IL1RAP: variants seen among roughly 807,000 people sequenced by gnomAD.
The protein encoded by IL1RAP is interleukin-1 receptor accessory protein.
Under a neutral mutation model 60.7 loss-of-function variants are expected in IL1RAP, and 35 were observed. That is an observed-to-expected ratio of 0.58 (90% CI 0.44 to 0.76). The LOEUF (loss-of-function observed/expected upper bound fraction) is 0.76. IL1RAP is among the 30% of genes least tolerant of loss of function. IL1RAP has a pLI of 0.00. For synonymous variants in IL1RAP, 268 were observed against 250.9 expected (o/e 1.07, Z -0.64); for missense variants, 572 against 693.9 (o/e 0.82, Z 1.97).
intron 3 of IL1RAP, among the ~76,000 whole-genome samples, chr3:190,577,910 CTT>C (rs890964246): frequency 2.0e-5 from 3 of 152,138 alleles, no homozygotes; most frequent in African/African-American, 7.2e-5. Context: ...ATTTCTGCCC[CTT>C]TTAAAATAAC....
At chr3:190,651,965 A>G (rs1734423615), downstream of IL1RAP, among the ~76,000 whole-genome samples, 1 of 152,338 alleles carries the variant, frequency 6.6e-6, no homozygotes, top group African/African-American at 2.4e-5. Flanking sequence ...TTTTTCATCT[A>G]ATAGGCTTTA....
chr3:190,614,442 T>C (rs1205981435), intron 5 of IL1RAP, among the ~76,000 whole-genome samples: 1 of 152,040 alleles, frequency 6.6e-6, no homozygotes, highest in Admixed American at 6.6e-5. Context: ...AGATACCATA[T>C]TTTGACAGAT....
intron 9 of IL1RAP, among the ~76,000 whole-genome samples, chr3:190,640,700 G>A (rs1219376859): frequency 3.9e-5 from 6 of 152,234 alleles, no homozygotes; most frequent in South Asian, 2.1e-4. Flanking sequence ...CTAGAGAAAC[G>A]TGATTGTAGA....
At chr3:190,572,278 T>G (rs1726993831) in intron 3 of IL1RAP, among the ~76,000 whole-genome samples, 1 of 152,204 alleles carries the variant, frequency 6.6e-6, no homozygotes, top group Non-Finnish European at 1.5e-5. Context: ...ATTTTTAAAT[T>G]TATCTGGTCA....
At chr3:190,587,043 T>C (rs919102395) in intron 3 of IL1RAP, among the ~76,000 whole-genome samples, 2 of 152,242 alleles carry the variant, frequency 1.3e-5, no homozygotes, top group Non-Finnish European at 2.9e-5. Context: ...GCTTGATTTA[T>C]ATTTTTCAGA....
At chr3:190,531,021 T>C (rs1347072738) in intron 1 of IL1RAP, among the ~76,000 whole-genome samples, 1 of 152,212 alleles carries the variant, frequency 6.6e-6, no homozygotes, top group Non-Finnish European at 1.5e-5. Context: ...TGCTCAACTT[T>C]CCATTTCGCT....
chr3:190,636,573 G>A (rs1157255788), intron 9 of IL1RAP, among the ~76,000 whole-genome samples: 3 of 151,352 alleles, frequency 2.0e-5, no homozygotes, highest in Non-Finnish European at 4.4e-5. Flanking sequence ...ACGGAGTCTT[G>A]CTCTGTCGCC....
intron 3 of IL1RAP, among the ~76,000 whole-genome samples, chr3:190,597,514 T>A (rs1729484881): frequency 6.6e-6 from 1 of 152,164 alleles, no homozygotes; most frequent in African/African-American, 2.4e-5. Flanking sequence ...TTTCAACAGT[T>A]TCTGGACTTC....
At chr3:190,617,781 G>T (rs1731405632) in intron 5 of IL1RAP, among the ~76,000 whole-genome samples, 1 of 152,144 alleles carries the variant, frequency 6.6e-6, no homozygotes, top group Non-Finnish European at 1.5e-5. Flanking sequence ...TAGAGACAGA[G>T]TTGCTGATAA....
intron 3 of IL1RAP, among the ~76,000 whole-genome samples, chr3:190,594,431 G>A (rs1339536146): frequency 2.6e-5 from 4 of 152,250 alleles, no homozygotes; most frequent in South Asian, 2.1e-4. Flanking sequence ...ATTATGTAGC[G>A]CCAGCTATCA....
At chr3:190,527,305 A>G (rs1273018698) in intron 1 of IL1RAP, among the ~76,000 whole-genome samples, 3 of 152,222 alleles carry the variant, frequency 2.0e-5, no homozygotes, top group African/African-American at 7.2e-5. Context: ...TACTGCAGCC[A>G]TGTACAAATT....
At chr3:190,556,975 G>A (rs1201368509) in intron 2 of IL1RAP, among the ~76,000 whole-genome samples, 5 of 152,136 alleles carry the variant, frequency 3.3e-5, no homozygotes, top group African/African-American at 1.2e-4. Flanking sequence ...TCATTCCCCA[G>A]CCTCAGTGTC....
chr3:190,588,725 T>G (rs1191302465), intron 3 of IL1RAP, among the ~76,000 whole-genome samples: 2 of 152,248 alleles, frequency 1.3e-5, no homozygotes, highest in Non-Finnish European at 2.9e-5. Flanking sequence ...TCTCTTGTTT[T>G]GCTTCCTTTG....
At chr3:190,536,799 A>G (rs962040574) in intron 1 of IL1RAP, among the ~76,000 whole-genome samples, 3 of 152,242 alleles carry the variant, frequency 2.0e-5, no homozygotes, top group South Asian at 2.1e-4. Flanking sequence ...AAATGTAATT[A>G]CATAAGCTAA....
chr3:190,606,531 T>C (rs1012876708), intron 4 of IL1RAP, among the ~76,000 whole-genome samples: 1 of 152,260 alleles, frequency 6.6e-6, no homozygotes, highest in African/African-American at 2.4e-5. Flanking sequence ...CAATATCAGT[T>C]TTACTTTTTC....
intron 2 of IL1RAP, among the ~76,000 whole-genome samples, chr3:190,561,906 T>C (rs1001546343): frequency 2.0e-5 from 3 of 152,214 alleles, no homozygotes; most frequent in African/African-American, 7.2e-5. Flanking sequence ...ATCTATCTAA[T>C]ACGCGCCTGG....
intron 3 of IL1RAP, among the ~76,000 whole-genome samples, chr3:190,579,938 A>AT (rs1727845804): frequency 6.6e-6 from 1 of 152,252 alleles, no homozygotes; most frequent in Non-Finnish European, 1.5e-5. Context: ...GATGAATAAT[A>AT]TTCATCATTG....
chr3:190,634,057 T>G (rs2108830598), intron 9 of IL1RAP, among the ~76,000 whole-genome samples: 1 of 152,306 alleles, frequency 6.6e-6, no homozygotes, highest in South Asian at 2.1e-4. Flanking sequence ...AATTTTTTTG[T>G]GTGAGTATGT....
At chr3:190,639,461 T>C (rs1440124308) in intron 9 of IL1RAP, among the ~76,000 whole-genome samples, 2 of 152,190 alleles carry the variant, frequency 1.3e-5, no homozygotes, top group Non-Finnish European at 1.5e-5. Context: ...TTCCATATCT[T>C]CATTGAAAGG....
Sources: allele counts gnomAD v4.1 joint callset (sites outside exome capture counted in the v4.1 genomes callset), GRCh38; gene constraint gnomAD v4.1.1; transcripts MANE v1.5; gene names NCBI Gene and HGNC (gene_info 2026-07-23, HGNC 2026-07-21).